The following KIF5B variants were observed in gnomAD, a reference collection of about 807,000 sequenced individuals.
KIF5B encodes kinesin-1 heavy chain.
KIF5B carries 49 observed loss-of-function variants against 132.8 expected under a neutral mutation model. The ratio of observed to expected loss-of-function variants is 0.37; its 90% CI spans 0.29 to 0.47. The LOEUF (loss-of-function observed/expected upper bound fraction) is 0.47. Among genes scored for constraint, KIF5B ranks in the 20% least tolerant of loss-of-function variants. KIF5B has a pLI of 1.00. For synonymous variants in KIF5B, 355 were observed against 369.4 expected (o/e 0.96, Z 0.45); for missense variants, 780 against 1,144.0 (o/e 0.68, Z 4.59).
chr10:32,014,725 A>G (rs1449136047), intron 25 of KIF5B, among the ~76,000 whole-genome samples: 2 of 152,176 alleles, frequency 1.3e-5, no homozygotes, highest in Non-Finnish European at 2.9e-5. Context: ...TCTAGAAACC[A>G]ATGTGTTAAT....
At chr10:32,018,948 G>A (rs1841220481) in intron 20 of KIF5B, among the ~76,000 whole-genome samples, 1 of 152,000 alleles carries the variant, frequency 6.6e-6, no homozygotes, top group Non-Finnish European at 1.5e-5. Context: ...CTCCTGCCCT[G>A]GCCTCCCAAA....
chr10:32,020,953 A>C (rs1295967895), intron 19 of KIF5B, 69 bp downstream of exon 19: 2 of 769,464 alleles, frequency 2.6e-6, no homozygotes, highest in Admixed American at 2.6e-5. Context: ...GCAGGTTTCT[A>C]ATAAGAATAT....
chr10:32,056,210 AGCG>A lies in KIF5B; in HGVS notation c.-240_-238del. On this transcript the variant is annotated 5_prime_UTR_variant, in exon 1 of 26. Coordinates refer to ENST00000302418, the MANE Select transcript of KIF5B (RefSeq NM_004521.3). Reference sequence around the variant, plus strand: ...CCATCATGGCAGCCATGGCGGCGGCAGCGGCGGCGGCACCGGGGAGAGCGTCCG... The same window carrying A: ...CCATCATGGCAGCCATGGCGGCGGCAGCGGCGGCACCGGGGAGAGCGTCCG... The A allele has an allele frequency of 4.0e-6, 2 of 493,890 alleles. No individual in the cohort carries two copies. The highest frequency in any genetic ancestry group is 4.1e-5 in the East Asian group (1 of 24,418). The allele number at this position is 493,890 out of a possible 1,614,324, so 30.6% of individuals were successfully genotyped here.
In KIF5B at chr10:32,056,342, G is replaced by A. The variant is rs11545144; in HGVS notation, c.-369C>T. On this transcript the variant is annotated 5_prime_UTR_variant, in exon 1 of 26. Coordinates refer to ENST00000302418, the MANE Select transcript of KIF5B (RefSeq NM_004521.3). ...CCTTCTTCCTCCTCGCGAAGAGCAG[G>A]CCGGGCCTACCCGTCCGCCCGCTCT... 3.6e-5 allele frequency: 9 copies of A among 253,044 alleles called. No individual in the cohort carries two copies. Among genetic ancestry groups the A allele is most frequent in the Non-Finnish European group, 5.4e-5 (7 of 130,238 alleles). 15.7% of individuals were successfully genotyped at this position (253,044 alleles called of 1,614,324 possible). A position where few individuals can be genotyped will look rare whatever the true frequency, so the allele number is the denominator to read the frequency against.
intron 2 of KIF5B, among the ~76,000 whole-genome samples, chr10:32,041,040 A>T (rs916204521): frequency 6.6e-6 from 1 of 151,134 alleles, no homozygotes; most frequent in Non-Finnish European, 1.5e-5. Context: ...CAGCTACTCG[A>T]AAGACTAAGG....
chr10:32,023,342 A>C (rs1394472521), intron 15 of KIF5B, among the ~76,000 whole-genome samples: 1 of 152,190 alleles, frequency 6.6e-6, no homozygotes, highest in Non-Finnish European at 1.5e-5. Context: ...TGCCTCTTTC[A>C]ATTTTTTCAC....
chr10:32,034,631 T>A, intron 11 of KIF5B, 59 bp downstream of exon 11: 2 of 1,288,894 alleles, frequency 1.6e-6, no homozygotes, highest in African/African-American at 1.5e-5. Context: ...TATTTCTACG[T>A]TTCTATGCTC....
Position 32,055,959 on chromosome 10 carries a change from G to A in KIF5B, c.15C>T (p.Ala5=), listed in dbSNP as rs201487298. The change falls in exon 1 of 26, where the codon GCC becomes GCT. Residue 5 remains alanine (A), a synonymous_variant. Transcript: ENST00000302418. The part of the protein sequence containing the change: MADL[A]ECNIKVMCRF... ...GACACATCACTTTGATGTTGCACTC[G>A]GCCAGGTCCGCCATCTTTCTCGCAG... 6.0e-5 allele frequency: 96 copies of A among 1,607,508 alleles called. No homozygotes were observed. The highest frequency in any genetic ancestry group is 6.5e-5 in the Non-Finnish European group (77 of 1,179,872).
chr10:32,011,018 T>G lies in KIF5B; in HGVS notation c.*519A>C, dbSNP rs986776682. Reference sequence around the variant, plus strand: ...TAAAATACAGTACTGACTGGATATATTTTATGGGCATGTAGTGTTGTTAAG... The same window carrying G: ...TAAAATACAGTACTGACTGGATATAGTTTATGGGCATGTAGTGTTGTTAAG... On this transcript the variant is annotated 3_prime_UTR_variant, in exon 26 of 26. Transcript: ENST00000302418. 6.6e-6 allele frequency: 1 copy of G among 152,202 alleles called. No individual in the cohort carries two copies. Among genetic ancestry groups the G allele is most frequent in the Non-Finnish European group, 1.5e-5 (1 of 68,018 alleles). The allele number at this position is 152,202 out of a possible 1,614,324, so 9.4% of individuals were successfully genotyped here. A position where few individuals can be genotyped will look rare whatever the true frequency, so the allele number is the denominator to read the frequency against.
At chr10:32,023,813 GA>G (rs1258555293) in intron 15 of KIF5B, among the ~76,000 whole-genome samples, 3 of 152,070 alleles carry the variant, frequency 2.0e-5, no homozygotes, top group Admixed American at 2.0e-4. Context: ...GTGAAACAAT[GA>G]ATCCTGGTAC....
At chr10:32,012,290 T>C (rs1307125516) in intron 25 of KIF5B, among the ~76,000 whole-genome samples, 1 of 152,114 alleles carries the variant, frequency 6.6e-6, no homozygotes. Flanking sequence ...CTGGCCAACA[T>C]GGCAAAACCC....
At chr10:32,047,905 T>A (rs1003571692) in intron 2 of KIF5B, among the ~76,000 whole-genome samples, 3 of 152,230 alleles carry the variant, frequency 2.0e-5, no homozygotes, top group Non-Finnish European at 4.4e-5. Context: ...AGATAAACAA[T>A]GAGCACTCTC....
rs780070086 is a variant in KIF5B at position 32,035,969 on chromosome 10, G to C, written c.737C>G (p.Ala246Gly). 6.2e-7 allele frequency: 1 copy of C among 1,605,080 alleles called. No homozygotes were observed. The highest frequency in any genetic ancestry group is 8.5e-7 in the Non-Finnish European group (1 of 1,175,472). The change falls in exon 9 of 26, where the codon GCT (alanine) becomes GGT (glycine). Residue 246 changes from alanine (A) to glycine (G), a missense_variant. By Grantham distance (60) the Ala-to-Gly change is moderately conservative (BLOSUM62 0). Around this residue, in one of 9 missense-constraint regions of KIF5B, gnomAD observed 15 missense variants for 65.0 expected, o/e 0.23. Coordinates refer to ENST00000302418, the MANE Select transcript of KIF5B (RefSeq NM_004521.3). ...EKVSKTGAEGAVLDEAKNINK... is the reference protein window; with the variant it reads ...EKVSKTGAEGGVLDEAKNINK... ...GATGTTTTTAGCTTCATCCAGCACA[G>C]CACCTTCAGCTCCAGTTTTACTAAC...
intron 1 of KIF5B, among the ~76,000 whole-genome samples, chr10:32,055,064 T>C (rs1364150810): frequency 1.3e-5 from 2 of 152,210 alleles, no homozygotes; most frequent in Admixed American, 1.3e-4. Context: ...TTAATACTTT[T>C]TCCTAGGCTG....
chr10:32,051,011 T>C (rs1841687737), intron 1 of KIF5B, among the ~76,000 whole-genome samples: 1 of 152,220 alleles, frequency 6.6e-6, no homozygotes, highest in African/African-American at 2.4e-5. Context: ...TGAGATATTG[T>C]AGATGAGTAA....
intron 2 of KIF5B, among the ~76,000 whole-genome samples, chr10:32,045,028 A>G (rs1402215431): frequency 6.6e-6 from 1 of 152,212 alleles, no homozygotes; most frequent in African/African-American, 2.4e-5. Flanking sequence ...TAGTAATAAA[A>G]CAGAACAAAA....
chr10:32,048,260 T>C (rs1841640566), intron 2 of KIF5B, among the ~76,000 whole-genome samples: 1 of 152,208 alleles, frequency 6.6e-6, no homozygotes, highest in Admixed American at 6.5e-5. Flanking sequence ...CTTAATTAGG[T>C]ACTGTATATA....
intron 6 of KIF5B, among the ~76,000 whole-genome samples, chr10:32,037,955 C>T (rs1388532876): frequency 6.6e-6 from 1 of 151,924 alleles, no homozygotes; most frequent in African/African-American, 2.4e-5. Flanking sequence ...ACTAAAAATA[C>T]AAAAATTAGC....
chr10:32,036,466 C>G (rs1841460796), intron 8 of KIF5B, among the ~76,000 whole-genome samples: 1 of 152,002 alleles, frequency 6.6e-6, no homozygotes. Context: ...GTCACCCAGG[C>G]TGGAGTGCAG....
Sources: allele counts gnomAD v4.1 joint callset (sites outside exome capture counted in the v4.1 genomes callset), GRCh38; gene constraint gnomAD v4.1.1; regional missense constraint gnomAD v4.1.1; transcripts MANE v1.5; gene names NCBI Gene and HGNC (gene_info 2026-07-23, HGNC 2026-07-21).